RGS12: variants seen among roughly 807,000 people sequenced by gnomAD.
RGS12 encodes the protein regulator of G protein signaling 12.
A neutral mutation model predicts 120.1 loss-of-function variants in RGS12; 66 were observed. The observed-to-expected ratio is 0.55, with a 90% CI of 0.45 to 0.67. The LOEUF is 0.67. RGS12 is among the 30% of genes least tolerant of loss of function. The pLI is 0.00. For missense variants in RGS12, 1,859 were observed against 1,957.7 expected, an observed-to-expected ratio of 0.95 and a Z score of 0.95; for synonymous variants, 827 against 804.7, an observed-to-expected ratio of 1.03 and a Z score of -0.47.
At chr4:3,343,842 G>A (rs1292779318) in intron 3 of RGS12, among the ~76,000 whole-genome samples, 1 of 152,184 alleles carries the variant, frequency 6.6e-6, no homozygotes, top group African/African-American at 2.4e-5. Context: ...AGGTGCAGCT[G>A]TATTCTATGT....
At chr4:3,335,878 T>C (rs557853808) in intron 2 of RGS12, among the ~76,000 whole-genome samples, 115 of 152,100 alleles carry the variant, frequency 7.6e-4, no homozygotes, top group East Asian at 3.9e-4. Flanking sequence ...TCATTTGAGG[T>C]CAGGAGTTCG....
chr4:3,342,493 C>A (rs1172253923), intron 2 of RGS12: 1 of 1,289,926 alleles, frequency 7.8e-7, no homozygotes, highest in South Asian at 1.2e-5. Flanking sequence ...TCCTAAAGTG[C>A]TTACAAAATT....
intron 1 of RGS12, among the ~76,000 whole-genome samples, chr4:3,305,370 T>C (rs1419879789): frequency 6.6e-6 from 1 of 152,162 alleles, no homozygotes; most frequent in Non-Finnish European, 1.5e-5. Context: ...CACCTGCTGG[T>C]CCCAGAGATT....
rs766615231 is a variant in RGS12, at chr4:3,423,587, G to T, written c.3180G>T (p.Leu1060=). The T allele has an allele frequency of 3.2e-5, 52 of 1,612,426 alleles. No individual in the cohort carries two copies. The highest frequency in any genetic ancestry group is 4.3e-5 in the Non-Finnish European group (51 of 1,179,958). Residue 1060 remains leucine, a synonymous_variant, in exon 13 of 18, where the codon CTG becomes CTT. Transcript: ENST00000336727. Reference sequence around the variant, plus strand: ...CCACCAAGCCCGTCACGGAGGTGCTGCGGCCCGTGGTGGCCAGATACGGCC... The same window carrying T: ...CCACCAAGCCCGTCACGGAGGTGCTTCGGCCCGTGGTGGCCAGATACGGCC... ...AKPTKPVTEV[L]RPVVARYGLD...
Position 3,420,462 on chromosome 4 carries a change from G to C in RGS12, c.2762-180G>C. On this transcript the variant is annotated intron_variant, in intron 9 of 17. Transcript: ENST00000336727. Reference sequence around the variant, plus strand: ...TGTTGGTCCCTGACTGGCTTCCAGGGTTAGGAAGACACATGTGACTCGTCT... The same window carrying C: ...TGTTGGTCCCTGACTGGCTTCCAGGCTTAGGAAGACACATGTGACTCGTCT... 6.1e-6 allele frequency: 4 copies of C among 656,484 alleles called. No individual in the cohort carries two copies. The South Asian group carries it at 6.5e-5, about 11-fold the overall frequency. The allele number at this position is 656,484 out of a possible 1,614,324, so 40.7% of individuals were successfully genotyped here. A position where few individuals can be genotyped will look rare whatever the true frequency, so the allele number is the denominator to read the frequency against.
At position 3,428,306 on chromosome 4, in the gene RGS12, C is replaced by T. The variant is rs777084926; in HGVS notation, c.3411+137C>T. Reference sequence around the variant, plus strand: ...CCCCACGCTCCTTGGCGGGGTCTCTCTCGTCCCTGCCGATGCCCAGCTCCC... The same window carrying T: ...CCCCACGCTCCTTGGCGGGGTCTCTTTCGTCCCTGCCGATGCCCAGCTCCC... On this transcript the variant is annotated intron_variant, in intron 15 of 17. Coordinates refer to ENST00000336727, the MANE Select transcript of RGS12 (RefSeq NM_001394154.1). 8.9e-6 allele frequency: 8 copies of T among 896,332 alleles called. No individual in the cohort carries two copies. In the East Asian group the frequency reaches 2.0e-4, roughly 23 times the overall value. 55.5% of individuals were successfully genotyped at this position (896,332 alleles called of 1,614,324 possible). A position where few individuals can be genotyped will look rare whatever the true frequency, so the allele number is the denominator to read the frequency against.
Position 3,439,535 on chromosome 4 carries a change from C to G in RGS12, c.4195C>G (p.Arg1399Gly), listed in dbSNP as rs777921323. The G allele has an allele frequency of 3.7e-6, 6 of 1,612,542 alleles. No individual in the cohort carries two copies. In the Admixed American group the frequency reaches 5.0e-5, roughly 13 times the overall value. The change falls in exon 18 of 18, where the codon CGG (arginine) becomes GGG (glycine). Residue 1399 changes from arginine (R) to glycine (G), a missense_variant. Physicochemically the swap from Arg to Gly is moderately radical, Grantham distance 125 (BLOSUM62 -2). This residue lies in a region of RGS12 where 517 missense variants were observed against 488.5 expected (regional missense o/e 1.06). Coordinates refer to ENST00000336727, the MANE Select transcript of RGS12 (RefSeq NM_001394154.1). ...VDLVTGSAPGRDGGIAGAQAG... is the reference protein window; with the variant it reads ...VDLVTGSAPGGDGGIAGAQAG... The stretch of plus-strand genomic sequence containing the variant: ...TCTTGTAACTGGCTCGGCGCCCGGG[C>G]GGGATGGTGGCATAGCGGGGGCACA...
At chr4:3,437,412 CT>C (rs1724916567) in intron 17 of RGS12, among the ~76,000 whole-genome samples, 1 of 152,192 alleles carries the variant, frequency 6.6e-6, no homozygotes, top group African/African-American at 2.4e-5. Flanking sequence ...TTGCAGGCCC[CT>C]TCAGAGCCCT....
rs765130508 is a variant in RGS12 at position 3,422,892 on chromosome 4, C to G, written c.3034-13C>G. The G allele has an allele frequency of 3.1e-6, 5 of 1,612,404 alleles. No individual in the cohort carries two copies. The highest frequency in any genetic ancestry group is 1.7e-5 in the Admixed American group (1 of 60,008). ...GCTGTGCCCACGTTGATTCTGGTCT[C>G]TCTGTTCCTCAGCCTCTGGTGCTGC... On this transcript the variant is annotated splice_polypyrimidine_tract_variant and intron_variant, in intron 11 of 17. Transcript: ENST00000336727.
intron 1 of RGS12, among the ~76,000 whole-genome samples, chr4:3,310,984 C>T (rs1339772109): frequency 2.0e-5 from 3 of 152,222 alleles, no homozygotes; most frequent in South Asian, 2.1e-4. Context: ...CTCATCTGCA[C>T]GCGAGAATTG....
chr4:3,363,535 G>C (rs147352105), intron 3 of RGS12, among the ~76,000 whole-genome samples: 2 of 152,100 alleles, frequency 1.3e-5, no homozygotes, highest in Non-Finnish European at 2.9e-5. Flanking sequence ...GGCAAGAGGC[G>C]AGACGGACAG....
At chr4:3,286,474 C>T in the RGS12 span, among the ~76,000 whole-genome samples, 1 of 152,244 alleles carries the variant, frequency 6.6e-6, no homozygotes. Flanking sequence ...AATTCAGAGT[C>T]AGTCCAAATC....
rs1286006008 is a variant in RGS12 at position 3,372,076 on chromosome 4, C to G, written c.1999-14340C>G. Among the ~76,000 whole-genome samples the G allele has an allele frequency of 1.3e-5, 2 of 152,206 alleles. No individual in the cohort carries two copies. Among genetic ancestry groups the G allele is most frequent in the Non-Finnish European group, 2.9e-5 (2 of 68,034 alleles). Reference sequence around the variant, plus strand: ...TGTCACCTAATCGGGGCACCTCATCCTGTTTCATAAACCATGTGGCGTCAG... The same window carrying G: ...TGTCACCTAATCGGGGCACCTCATCGTGTTTCATAAACCATGTGGCGTCAG... On this transcript the variant is annotated intron_variant, in intron 3 of 17. Transcript: ENST00000336727. The surrounding 1 kb of genome is among the most constrained non-coding windows in gnomAD (Gnocchi z 4.3).
At chr4:3,297,412 T>G (rs1017005909) in intron 1 of RGS12, among the ~76,000 whole-genome samples, 1 of 152,258 alleles carries the variant, frequency 6.6e-6, no homozygotes, top group Non-Finnish European at 1.5e-5. Flanking sequence ...AGCTGCTCCT[T>G]TAAAGCTTAA....
intron 4 of RGS12, among the ~76,000 whole-genome samples, chr4:3,407,022 AT>A (rs1721206154): frequency 6.6e-6 from 1 of 152,228 alleles, no homozygotes; most frequent in African/African-American, 2.4e-5. Context: ...GGGACTAAAA[AT>A]TTTTTAATTT....
intron 1 of RGS12, among the ~76,000 whole-genome samples, chr4:3,310,086 G>C (rs1724282455): frequency 6.8e-6 from 1 of 146,700 alleles, no homozygotes; most frequent in Non-Finnish European, 1.5e-5. Flanking sequence ...CTGGGACCCG[G>C]GAAATGGCAG....
In RGS12 at chr4:3,423,589, G is replaced by A. The variant is rs765645779; in HGVS notation, c.3182G>A (p.Arg1061Gln). 14 of 1,612,266 alleles carry A rather than the reference G, an allele frequency of 8.7e-6. No individual in the cohort carries two copies. The highest frequency in any genetic ancestry group is 1.1e-5 in the Non-Finnish European group (13 of 1,179,964). ...ACCAAGCCCGTCACGGAGGTGCTGC[G>A]GCCCGTGGTGGCCAGATACGGCCTG... ...KPTKPVTEVL[R>Q]PVVARYGLDL... The change falls in exon 13 of 18, where the codon CGG becomes CAG. Residue 1061 changes from arginine (R) to glutamine (Q), a missense_variant. Transcript: ENST00000336727.
Position 3,425,520 on chromosome 4 carries a change from G to A in RGS12, c.3291G>A (p.Gln1097=), listed in dbSNP as rs148923822. The A allele has an allele frequency of 6.2e-6, 10 of 1,611,986 alleles. No homozygotes were observed. Among genetic ancestry groups the A allele is most frequent in the South Asian group, 1.1e-5 (1 of 90,924 alleles). ...CCCCTATATCGAGTCTGGACGGACA[G>A]CGGGTTGTCTTGGAGGAGAAGGATC... ...LGAPISSLDG[Q]RVVLEEKDPS... Residue 1097 remains glutamine (Q), a synonymous_variant, in exon 14 of 18, where the codon CAG becomes CAA. Transcript: ENST00000336727.
At chr4:3,295,687 A>G (rs1015383656) in intron 1 of RGS12, among the ~76,000 whole-genome samples, 14 of 150,560 alleles carry the variant, frequency 9.3e-5, no homozygotes, top group East Asian at 1.9e-4. Context: ...AAAAAGCTCC[A>G]TCTCAAAAAC....
Sources: allele counts gnomAD v4.1 joint callset (sites outside exome capture counted in the v4.1 genomes callset), GRCh38; gene constraint gnomAD v4.1.1; regional missense constraint gnomAD v4.1.1; non-coding constraint Gnocchi (gnomAD v3.1); transcripts MANE v1.5; gene names NCBI Gene and HGNC (gene_info 2026-07-23, HGNC 2026-07-21).